LIMS1: variants seen among roughly 807,000 people sequenced by gnomAD.
LIMS1 encodes the protein LIM and senescent cell antigen-like-containing domain protein 1.
A neutral mutation model predicts 44.1 loss-of-function variants in LIMS1; 18 were observed. That is an observed-to-expected ratio of 0.41 (90% CI 0.28 to 0.61). The LOEUF is 0.61. LIMS1 is among the 20% of genes least tolerant of loss of function. LIMS1 has a pLI of 0.32. For missense variants in LIMS1, 201 were observed against 422.0 expected (o/e 0.48, Z 4.59); for synonymous variants, 93 against 149.1 (o/e 0.62, Z 2.74).
chr2:108,546,041 A>G (rs1050251161), intron 1 of LIMS1, among the ~76,000 whole-genome samples: 10 of 152,188 alleles, frequency 6.6e-5, no homozygotes, highest in Admixed American at 3.9e-4. Context: ...TGTTGTTAGC[A>G]TGTAATCCTG....
At chr2:108,664,238 C>T (rs1573590113) in intron 2 of LIMS1, among the ~76,000 whole-genome samples, 1 of 152,150 alleles carries the variant, frequency 6.6e-6, no homozygotes, top group African/African-American at 2.4e-5. Context: ...GTATAAAGTA[C>T]CAAAGGAAGA....
At chr2:108,541,407 G>C (rs74800330) in intron 1 of LIMS1, among the ~76,000 whole-genome samples, 3,920 of 152,290 alleles carry the variant, frequency 0.026, 127 homozygotes, top group South Asian at 0.14. Context: ...ACAGCTAGCT[G>C]TTTCTCCTTC....
intron 1 of LIMS1, among the ~76,000 whole-genome samples, chr2:108,535,166 GACAACT>G (rs1261183806): frequency 6.6e-6 from 1 of 152,256 alleles, no homozygotes; most frequent in African/African-American, 2.4e-5. Flanking sequence ...ACTTAGTAGA[GACAACT>G]ACGTTCTCCC....
chr2:108,617,809 T>C (rs1688008620), intron 1 of LIMS1, among the ~76,000 whole-genome samples: 1 of 152,170 alleles, frequency 6.6e-6, no homozygotes, highest in African/African-American at 2.4e-5. Flanking sequence ...GCACAGTCTG[T>C]CTGGGAAACT....
upstream of LIMS1, chr2:108,534,170 CA>C (rs1400260796): frequency 1.3e-5 from 2 of 153,350 alleles, no homozygotes; most frequent in African/African-American, 4.8e-5. Flanking sequence ...CTACCCCAGC[CA>C]CCCGCTGCGT....
chr2:108,660,519 G>A (rs995685038), intron 2 of LIMS1: 40 of 347,576 alleles, frequency 1.2e-4, no homozygotes, highest in Non-Finnish European at 2.0e-4. Flanking sequence ...TTGCAGCCTT[G>A]AACTGCTAAG....
intron 1 of LIMS1, chr2:108,659,106 T>G: frequency 1.0e-6 from 1 of 978,728 alleles, no homozygotes; most frequent in Non-Finnish European, 1.2e-6. Flanking sequence ...ACTTAAGCAG[T>G]TGTTTTCCAC....
chr2:108,579,821 G>A (rs113653843), intron 1 of LIMS1, among the ~76,000 whole-genome samples: 5 of 152,184 alleles, frequency 3.3e-5, no homozygotes, highest in Admixed American at 1.3e-4. Context: ...AGGGCCTTCC[G>A]GAGAACTTCC....
At chr2:108,535,878 T>A (rs113677609) in intron 1 of LIMS1, among the ~76,000 whole-genome samples, 26 of 152,328 alleles carry the variant, frequency 1.7e-4, no homozygotes, top group African/African-American at 5.1e-4. Context: ...TGGTATTTCA[T>A]GACACAAGCA....
chr2:108,614,199 G>C (rs1687810182), intron 1 of LIMS1, among the ~76,000 whole-genome samples: 1 of 152,132 alleles, frequency 6.6e-6, no homozygotes, highest in African/African-American at 2.4e-5. Flanking sequence ...TCCCGGTTTG[G>C]AAGGCCCATG....
At chr2:108,660,856 C>T (rs1691312878) in intron 2 of LIMS1, among the ~76,000 whole-genome samples, 1 of 151,430 alleles carries the variant, frequency 6.6e-6, no homozygotes, top group South Asian at 2.1e-4. Flanking sequence ...ACTTTTACCA[C>T]CTTACTTCTT....
At chr2:108,552,567 GTA>G (rs199689171) in intron 1 of LIMS1, among the ~76,000 whole-genome samples, 5 of 130,466 alleles carry the variant, frequency 3.8e-5, no homozygotes, top group African/African-American at 5.9e-5. Context: ...ACTTTGGGGT[GTA>G]TATATATATA....
intron 1 of LIMS1, among the ~76,000 whole-genome samples, chr2:108,657,048 G>A (rs1690911341): frequency 1.9e-5 from 2 of 102,850 alleles, no homozygotes; most frequent in African/African-American, 7.3e-5. Flanking sequence ...CAAAATGGAA[G>A]AGGCTTAGAG....
At chr2:108,585,666 G>A (rs1296110395) in intron 1 of LIMS1, among the ~76,000 whole-genome samples, 2 of 152,124 alleles carry the variant, frequency 1.3e-5, no homozygotes, top group South Asian at 2.1e-4. Flanking sequence ...CTACAGCCAG[G>A]CAGAGGCTCT....
At chr2:108,548,667 C>G (rs1684571318) in intron 1 of LIMS1, among the ~76,000 whole-genome samples, 1 of 152,200 alleles carries the variant, frequency 6.6e-6, no homozygotes, top group African/African-American at 2.4e-5. Flanking sequence ...TCCATGCTCT[C>G]CCCACCAGCC....
intron 1 of LIMS1, among the ~76,000 whole-genome samples, chr2:108,549,651 C>T (rs963891401): frequency 2.0e-5 from 3 of 151,944 alleles, no homozygotes; most frequent in South Asian, 2.1e-4. Context: ...TTTTTTCTTA[C>T]GAATTTCCTC....
At chr2:108,634,270 T>C (rs1201328291) in intron 1 of LIMS1, among the ~76,000 whole-genome samples, 2 of 152,228 alleles carry the variant, frequency 1.3e-5, no homozygotes, top group Admixed American at 6.5e-5. Flanking sequence ...CACTCAGTTT[T>C]CAGTGACTCT....
chr2:108,559,165 A>G (rs1296382147), intron 1 of LIMS1, among the ~76,000 whole-genome samples: 1 of 152,202 alleles, frequency 6.6e-6, no homozygotes, highest in African/African-American at 2.4e-5. Context: ...GCTTTAATTC[A>G]GAGTTTGCAC....
chr2:108,591,057 A>G (rs1172879563), intron 1 of LIMS1, among the ~76,000 whole-genome samples: 5 of 152,178 alleles, frequency 3.3e-5, no homozygotes, highest in Non-Finnish European at 7.3e-5. Flanking sequence ...AGGGCAGTGT[A>G]AAGTTTGGGG....
Sources: gnomAD v4.1 joint callset for allele counts (sites outside exome capture counted in the v4.1 genomes callset) on GRCh38, gnomAD v4.1.1 for gene constraint, MANE v1.5 for transcripts, NCBI Gene and HGNC (gene_info 2026-07-23, HGNC 2026-07-21) for gene names.